CHRM2: variants seen among roughly 807,000 people sequenced by gnomAD.
CHRM2 encodes cholinergic receptor muscarinic 2, also known as muscarinic acetylcholine receptor M2.
In CHRM2, 8 loss-of-function variants were observed where a neutral mutation model predicts 25.0. The ratio of observed to expected loss-of-function variants is 0.32; its 90% CI spans 0.19 to 0.58. CHRM2 has a LOEUF of 0.58. Ranked by LOEUF, CHRM2 falls within the 20% of genes least tolerant of loss-of-function variation. CHRM2 has a pLI of 0.88. For synonymous variants in CHRM2, 202 were observed against 205.7 expected (o/e 0.98, Z 0.15); for missense variants, 440 against 567.1 (o/e 0.78, Z 2.28).
chr7:136,881,979 A>C (rs1796283418), intron 2 of CHRM2, among the ~76,000 whole-genome samples: 1 of 151,990 alleles, frequency 6.6e-6, no homozygotes, highest in South Asian at 2.1e-4. Flanking sequence ...ACCCCTAAAT[A>C]ACCTTTAAAT....
chr7:136,880,239 C>T (rs1324267717), intron 2 of CHRM2, among the ~76,000 whole-genome samples: 1 of 151,768 alleles, frequency 6.6e-6, no homozygotes, highest in African/African-American at 2.4e-5. Flanking sequence ...TGCCCCGTTC[C>T]TATATTTTGG....
chr7:136,935,681 A>G (rs1799372146), intron 2 of CHRM2, among the ~76,000 whole-genome samples: 1 of 152,152 alleles, frequency 6.6e-6, no homozygotes, highest in African/African-American at 2.4e-5. Context: ...AGACTTCTTT[A>G]AACTCATAAC....
intron 2 of CHRM2, among the ~76,000 whole-genome samples, chr7:136,901,683 C>T (rs1351032601): frequency 1.3e-5 from 2 of 151,954 alleles, no homozygotes; most frequent in African/African-American, 2.4e-5. Flanking sequence ...GTTGTAAGAA[C>T]CTAGCCTCTT....
At chr7:136,870,403 C>G (rs1182594000) in intron 2 of CHRM2, 1 of 152,448 alleles carries the variant, frequency 6.6e-6, no homozygotes, top group Non-Finnish European at 1.5e-5. Flanking sequence ...CCTGGGGCCC[C>G]TCACGGGGTA....
At chr7:136,999,808 G>C (rs1265930808) in intron 3 of CHRM2, among the ~76,000 whole-genome samples, 2 of 152,070 alleles carry the variant, frequency 1.3e-5, no homozygotes, top group African/African-American at 4.8e-5. Context: ...TGCAACCAAG[G>C]TTCAATTTCT....
In CHRM2 at chr7:137,015,000, G is replaced by C; in HGVS notation, c.135G>C (p.Met45Ile). 6.2e-7 allele frequency: 1 copy of C among 1,613,210 alleles called. No individual in the cohort carries two copies. Among genetic ancestry groups the C allele is most frequent in the South Asian group, 1.1e-5 (1 of 91,070 alleles). Residue 45 changes from methionine to isoleucine, a missense_variant, in exon 4 of 4, where the codon ATG becomes ATC. This residue lies in a region of CHRM2 where 86 missense variants were observed against 124.9 expected (regional missense o/e 0.69). Coordinates refer to ENST00000680005, the MANE Select transcript of CHRM2 (RefSeq NM_001006630.2). The stretch of plus-strand genomic sequence containing the variant: ...CCATTATCGGGAACATCCTAGTCAT[G>C]GTTTCCATTAAAGTCAACCGCCACC... ...LVTIIGNILV[M>I]VSIKVNRHLQ...
intron 2 of CHRM2, among the ~76,000 whole-genome samples, chr7:136,930,149 G>T (rs541186827): frequency 1.3e-5 from 2 of 152,190 alleles, no homozygotes; most frequent in South Asian, 2.1e-4. Flanking sequence ...AACAAAGAAA[G>T]AGGCCGGGCA....
chr7:137,003,903 G>A (rs324639), intron 3 of CHRM2, among the ~76,000 whole-genome samples: 72,882 of 151,708 alleles, frequency 0.48, 18,340 homozygotes, highest in Middle Eastern at 0.54. Flanking sequence ...ATTTGATAAG[G>A]GGCTTTTCCC....
At chr7:136,940,795 GA>G (rs1799720108) in intron 2 of CHRM2, among the ~76,000 whole-genome samples, 1 of 152,162 alleles carries the variant, frequency 6.6e-6, no homozygotes, top group African/African-American at 2.4e-5. Flanking sequence ...AAGAAACTGT[GA>G]ATTAGATAGG....
intron 2 of CHRM2, among the ~76,000 whole-genome samples, chr7:136,940,748 C>T (rs1799716511): frequency 6.6e-6 from 1 of 152,230 alleles, no homozygotes; most frequent in African/African-American, 2.4e-5. Flanking sequence ...TTCAAAAATT[C>T]TGGGTGTTAG....
intron 2 of CHRM2, among the ~76,000 whole-genome samples, chr7:136,936,167 T>A (rs1203680277): frequency 6.6e-6 from 1 of 152,140 alleles, no homozygotes; most frequent in Non-Finnish European, 1.5e-5. Flanking sequence ...AAAATAATTG[T>A]CTAAAGTACC....
At chr7:136,944,760 G>C (rs1799973143) in intron 2 of CHRM2, among the ~76,000 whole-genome samples, 1 of 152,010 alleles carries the variant, frequency 6.6e-6, no homozygotes, top group African/African-American at 2.4e-5. Context: ...GTTTTCCGTA[G>C]TGGTTGTACT....
chr7:136,973,297 T>C lies in CHRM2; in HGVS notation c.-124-18890T>C, dbSNP rs324599. Among the ~76,000 whole-genome samples, 307 of 85,248 alleles carry C rather than the reference T, an allele frequency of 3.6e-3. 1 individual carries two copies. The highest frequency in any genetic ancestry group is 0.012 in the African/African-American group (244 of 19,976). The allele number at this position is 85,248 out of a possible 152,430, so 55.9% of individuals were successfully genotyped here. On this transcript the variant is annotated intron_variant, in intron 2 of 3. Coordinates refer to ENST00000680005, the MANE Select transcript of CHRM2 (RefSeq NM_001006630.2). The stretch of plus-strand genomic sequence containing the variant: ...TGTTAGGGATGGTGGCAGGTGATGA[T>C]GGTGACGGTGTTAGGGATGGTGGCA...
At chr7:136,954,488 A>G (rs927241551) in intron 2 of CHRM2, among the ~76,000 whole-genome samples, 3 of 152,150 alleles carry the variant, frequency 2.0e-5, no homozygotes, top group Admixed American at 2.0e-4. Flanking sequence ...TATCTTCTAA[A>G]CTTAATAACA....
chr7:136,904,859 T>C (rs2130644582), intron 2 of CHRM2, among the ~76,000 whole-genome samples: 1 of 152,054 alleles, frequency 6.6e-6, no homozygotes, highest in South Asian at 2.1e-4. Flanking sequence ...ATCAAGGAGC[T>C]TAGGTTTGAA....
At chr7:136,955,393 T>C (rs1800665318) in intron 2 of CHRM2, among the ~76,000 whole-genome samples, 2 of 152,174 alleles carry the variant, frequency 1.3e-5, no homozygotes, top group Non-Finnish European at 2.9e-5. Context: ...ACTCTTGTCC[T>C]CGGGTTTTCA....
chr7:136,948,050 G>A (rs1234031099), intron 2 of CHRM2, among the ~76,000 whole-genome samples: 1 of 152,068 alleles, frequency 6.6e-6, no homozygotes, highest in Non-Finnish European at 1.5e-5. Context: ...CATGGCTGGG[G>A]GATTGTATGC....
chr7:136,902,010 A>G (rs942165129), intron 2 of CHRM2: 2 of 152,066 alleles, frequency 1.3e-5, no homozygotes, highest in African/African-American at 4.8e-5. Flanking sequence ...TTCTATAAAA[A>G]AAAATGATAA....
intron 3 of CHRM2, among the ~76,000 whole-genome samples, chr7:137,001,976 G>C (rs1804065981): frequency 6.6e-6 from 1 of 152,072 alleles, no homozygotes; most frequent in African/African-American, 2.4e-5. Context: ...AACATAGAAT[G>C]GTTGAAGGAA....
Sources: gnomAD v4.1 joint callset for allele counts (sites outside exome capture counted in the v4.1 genomes callset) on GRCh38, gnomAD v4.1.1 for gene constraint, gnomAD v4.1.1 regional missense constraint, MANE v1.5 for transcripts, NCBI Gene and HGNC (gene_info 2026-07-23, HGNC 2026-07-21) for gene names.